Variants in FMN1 observed in about 807,000 individuals in gnomAD.
FMN1 encodes the protein formin 1, also known as formin-1.
A neutral mutation model predicts 132.4 loss-of-function variants in FMN1; 110 were observed. That is an observed-to-expected ratio of 0.83 (90% CI 0.71 to 0.97). The LOEUF is 0.97. Among genes scored for constraint, FMN1 ranks in the 50% least tolerant of loss-of-function variants. The pLI is 0.00. For synonymous variants in FMN1, 722 were observed against 651.7 expected, an observed-to-expected ratio of 1.11 and a Z score of -1.64; for missense variants, 1,792 against 1,705.3, an observed-to-expected ratio of 1.05 and a Z score of -0.90.
chr15:33,172,984 G>A (rs1965385087), intron 3 of FMN1, among the ~76,000 whole-genome samples: 1 of 152,162 alleles, frequency 6.6e-6, no homozygotes, highest in African/African-American at 2.4e-5. Context: ...GCACAAGATT[G>A]ATCTTGCCAG....
intron 19 of FMN1, among the ~76,000 whole-genome samples, chr15:32,777,535 A>ATAAC (rs201723017): frequency 5.2e-5 from 6 of 116,202 alleles, no homozygotes; most frequent in South Asian, 2.7e-4. Flanking sequence ...CGTATAACAT[A>ATAAC]ACATTTATAT....
intron 6 of FMN1, among the ~76,000 whole-genome samples, chr15:33,061,331 A>C (rs766526767): frequency 1.3e-5 from 2 of 152,228 alleles, no homozygotes; most frequent in Admixed American, 6.5e-5. Flanking sequence ...TAGATTTCTA[A>C]GAAAAATAAA....
chr15:32,806,602 C>A (rs2057690885), intron 17 of FMN1, among the ~76,000 whole-genome samples: 1 of 152,206 alleles, frequency 6.6e-6, no homozygotes, highest in Non-Finnish European at 1.5e-5. Context: ...GAAGGCCCTG[C>A]ACTTAAGTCG....
intron 5 of FMN1, among the ~76,000 whole-genome samples, chr15:33,078,646 A>AC (rs201646182): frequency 0.024 from 3,579 of 148,604 alleles, 113 homozygotes; most frequent in African/African-American, 0.082. Context: ...AAAGGCAACA[A>AC]AAAAAAAAAA....
intron 4 of FMN1, among the ~76,000 whole-genome samples, chr15:33,090,015 G>A (rs1363610539): frequency 2.0e-5 from 3 of 152,052 alleles, no homozygotes; most frequent in Non-Finnish European, 4.4e-5. Context: ...CCATTTAAAG[G>A]GACATCTGCT....
At position 32,769,221 on chromosome 15, in the gene FMN1, T is replaced by C. The variant is rs2056146954; in HGVS notation, c.*5089A>G. The C allele has an allele frequency of 6.6e-6, 1 of 152,262 alleles. No individual in the cohort carries two copies. Among genetic ancestry groups the C allele is most frequent in the Non-Finnish European group, 1.5e-5 (1 of 68,044 alleles). The allele number at this position is 152,262 out of a possible 1,614,324, so 9.4% of individuals were successfully genotyped here. ...ACACGTTTCCCAAATCCTAACTTTA[T>C]ATCACAGTATTGGTTAAGAGTCTTG... On this transcript the variant is annotated 3_prime_UTR_variant, in exon 21 of 21. Coordinates refer to ENST00000616417, the MANE Select transcript of FMN1 (RefSeq NM_001277313.2).
At chr15:33,099,185 G>A (rs2039199051) in intron 4 of FMN1, among the ~76,000 whole-genome samples, 1 of 152,166 alleles carries the variant, frequency 6.6e-6, no homozygotes, top group Non-Finnish European at 1.5e-5. Flanking sequence ...CAGCTACTCT[G>A]GAGGCTGAGG....
At chr15:32,926,538 A>G (rs1348881755) in intron 9 of FMN1, among the ~76,000 whole-genome samples, 2 of 152,230 alleles carry the variant, frequency 1.3e-5, no homozygotes, top group African/African-American at 4.8e-5. Context: ...ATTTTACTCA[A>G]GTACAAAGTT....
intron 6 of FMN1, among the ~76,000 whole-genome samples, chr15:33,013,445 C>T (rs1379159053): frequency 2.0e-5 from 3 of 150,752 alleles, no homozygotes; most frequent in African/African-American, 7.3e-5. Flanking sequence ...ATAATATTAA[C>T]AAAACTAAGA....
At chr15:32,806,846 T>TC (rs2057699286) in intron 17 of FMN1, among the ~76,000 whole-genome samples, 1 of 152,132 alleles carries the variant, frequency 6.6e-6, no homozygotes, top group African/African-American at 2.4e-5. Flanking sequence ...TAAAAGACCA[T>TC]CCCTTGCCAC....
intron 19 of FMN1, among the ~76,000 whole-genome samples, chr15:32,787,570 G>T (rs1015589710): frequency 6.6e-6 from 1 of 152,226 alleles, no homozygotes; most frequent in Non-Finnish European, 1.5e-5. Flanking sequence ...AGTTATTCCA[G>T]TTGGGCATGG....
chr15:33,087,445 C>T (rs1285722219), intron 5 of FMN1, among the ~76,000 whole-genome samples: 1 of 152,150 alleles, frequency 6.6e-6, no homozygotes, highest in East Asian at 1.9e-4. Flanking sequence ...TCTCAGGAGG[C>T]TGAGGTGGGA....
chr15:32,943,580 T>C (rs2061442793), intron 9 of FMN1, among the ~76,000 whole-genome samples: 1 of 152,120 alleles, frequency 6.6e-6, no homozygotes, highest in South Asian at 2.1e-4. Flanking sequence ...AAGACATTCT[T>C]GTGGAGTGGG....
chr15:32,963,029 A>G (rs1419249215), intron 9 of FMN1, among the ~76,000 whole-genome samples: 1 of 143,542 alleles, frequency 7.0e-6, no homozygotes, highest in Admixed American at 6.8e-5. Context: ...TGCTGCTATA[A>G]AGACACATGC....
chr15:33,067,809 C>T, intron 5 of FMN1: 1 of 1,613,948 alleles, frequency 6.2e-7, no homozygotes, highest in Non-Finnish European at 8.5e-7. Flanking sequence ...ATCGACTGAG[C>T]CACTTCAAGT....
intron 4 of FMN1, among the ~76,000 whole-genome samples, chr15:33,124,781 T>C (rs1254196527): frequency 6.6e-6 from 1 of 152,014 alleles, no homozygotes; most frequent in East Asian, 1.9e-4. Context: ...TAATTTTGGA[T>C]TTTGTTTTCT....
intron 15 of FMN1, among the ~76,000 whole-genome samples, chr15:32,895,235 C>T (rs1450862265): frequency 2.0e-5 from 3 of 151,224 alleles, no homozygotes; most frequent in African/African-American, 4.9e-5. Flanking sequence ...ATTGGGTGTT[C>T]GTATGCATGT....
chr15:33,104,612 TGAA>T (rs377038263), intron 4 of FMN1, among the ~76,000 whole-genome samples: 120 of 152,042 alleles, frequency 7.9e-4, no homozygotes, highest in African/African-American at 2.8e-3. Flanking sequence ...CTAAAGGAAA[TGAA>T]AATAAAATTA....
Position 33,120,619 on chromosome 15 carries a change from A to ATCTT in FMN1, c.1868-31646_1868-31645insAAGA, listed in dbSNP as rs1344361666. Among the ~76,000 whole-genome samples, 4 of 29,656 alleles carry ATCTT rather than the reference A, an allele frequency of 1.3e-4. No individual in the cohort carries two copies. In the East Asian group the frequency reaches 0.016, roughly 120 times the overall value. 19.5% of individuals were successfully genotyped at this position (29,656 alleles called of 152,430 possible). A position where few individuals can be genotyped will look rare whatever the true frequency, so the allele number is the denominator to read the frequency against. The stretch of plus-strand genomic sequence containing the variant: ...TAGTGATACCAAGATACTGTTCGGC[A>ATCTT]GCTTTTGTTGTCTTTTCGTGTTCTG... On this transcript the variant is annotated intron_variant, in intron 4 of 20. Transcript: ENST00000616417.
Sources: allele counts gnomAD v4.1 joint callset (sites outside exome capture counted in the v4.1 genomes callset), GRCh38; gene constraint gnomAD v4.1.1; transcripts MANE v1.5; gene names NCBI Gene and HGNC (gene_info 2026-07-23, HGNC 2026-07-21).